The following SPOCK3 variants were observed in gnomAD, a reference collection of about 807,000 sequenced individuals.
SPOCK3 encodes testican-3.
A neutral mutation model predicts 56.6 loss-of-function variants in SPOCK3; 30 were observed. That is an observed-to-expected ratio of 0.53 (90% CI 0.40 to 0.72). SPOCK3 has a LOEUF of 0.72. SPOCK3 is among the 30% of genes least tolerant of loss of function. The pLI, the probability that SPOCK3 is intolerant of heterozygous loss-of-function variation, is 0.00. For synonymous variants in SPOCK3, 196 were observed against 183.3 expected (o/e 1.07, Z -0.56); for missense variants, 527 against 530.0 (o/e 0.99, Z 0.06).
At chr4:167,117,379 G>A (rs1489360350) in intron 2 of SPOCK3, among the ~76,000 whole-genome samples, 2 of 152,078 alleles carry the variant, frequency 1.3e-5, no homozygotes, top group African/African-American at 4.8e-5. Flanking sequence ...CCTTGACTGA[G>A]CACCTAGGGG....
At chr4:166,862,611 T>C (rs1168207297) in intron 6 of SPOCK3, among the ~76,000 whole-genome samples, 6 of 152,256 alleles carry the variant, frequency 3.9e-5, no homozygotes, top group Non-Finnish European at 7.4e-5. Context: ...TGACTTAATC[T>C]TCCTGAGTAG....
chr4:166,831,111 G>C (rs114302487), intron 6 of SPOCK3, among the ~76,000 whole-genome samples: 21 of 151,978 alleles, frequency 1.4e-4, no homozygotes, highest in Non-Finnish European at 2.6e-4. Flanking sequence ...ATTTGTTATC[G>C]TGTAGAATCT....
chr4:166,777,201 T>A (rs905401643), intron 7 of SPOCK3, among the ~76,000 whole-genome samples: 8 of 152,176 alleles, frequency 5.3e-5, no homozygotes, highest in Non-Finnish European at 1.0e-4. Context: ...CATATATTGA[T>A]CTATCTCAAT....
chr4:167,051,376 CTTG>C (rs1229795965), intron 3 of SPOCK3, among the ~76,000 whole-genome samples: 4 of 152,254 alleles, frequency 2.6e-5, no homozygotes, highest in Middle Eastern at 3.4e-3. Flanking sequence ...AATAATTCTT[CTTG>C]TTGTGTTAGA....
At chr4:167,077,773 A>G (rs930444477) in intron 2 of SPOCK3, among the ~76,000 whole-genome samples, 1 of 151,864 alleles carries the variant, frequency 6.6e-6, no homozygotes, top group Non-Finnish European at 1.5e-5. Flanking sequence ...ATTGTAATGT[A>G]TTTTGTATAT....
At chr4:166,804,398 C>T (rs932580770) in intron 6 of SPOCK3, among the ~76,000 whole-genome samples, 5 of 151,950 alleles carry the variant, frequency 3.3e-5, no homozygotes, top group African/African-American at 1.2e-4. Context: ...TATTTACCTC[C>T]TAAAGGTCCT....
intron 2 of SPOCK3, among the ~76,000 whole-genome samples, chr4:167,218,954 G>A (rs1430820382): frequency 6.6e-6 from 1 of 152,144 alleles, no homozygotes; most frequent in Non-Finnish European, 1.5e-5. Context: ...AGTTATCAGT[G>A]TGGAGTGTGC....
intron 6 of SPOCK3, among the ~76,000 whole-genome samples, chr4:166,792,555 C>T (rs1741470807): frequency 6.6e-6 from 1 of 152,038 alleles, no homozygotes; most frequent in Non-Finnish European, 1.5e-5. Flanking sequence ...GTATTGATAA[C>T]ATCACAAAAA....
rs186619061 is a variant in SPOCK3 at position 166,964,263 on chromosome 4, T to C, written c.350+36086A>G. 3.0e-4 allele frequency among the ~76,000 whole-genome samples: 45 copies of C among 151,996 alleles called. No homozygotes were observed. In the East Asian group the frequency reaches 5.4e-3, roughly 18 times the overall value. On this transcript the variant is annotated intron_variant, in intron 4 of 10. Transcript: ENST00000357545. ...CATTTCTTCCTATCAGTATTCATTA[T>C]TGCATATGTTCTGAGGAGAGAGAAA...
Position 167,057,321 on chromosome 4 carries a change from A to G in SPOCK3, c.235+5171T>C, listed in dbSNP as rs867827050. On this transcript the variant is annotated intron_variant, in intron 3 of 10. Transcript: ENST00000357545. ...TGGAAAGGAACAACTGGTACCAGCC[A>G]CTGCAAAATCATGCCAAATTGTAAA... Among the ~76,000 whole-genome samples the G allele has an allele frequency of 3.8e-3, 582 of 152,298 alleles. 7 individuals are homozygous for G. The highest frequency in any genetic ancestry group is 0.012 in the African/African-American group (519 of 41,534).
At chr4:167,113,884 A>G (rs1027018190) in intron 2 of SPOCK3, among the ~76,000 whole-genome samples, 8 of 151,968 alleles carry the variant, frequency 5.3e-5, no homozygotes, top group African/African-American at 1.9e-4. Flanking sequence ...GCTGCTTCCC[A>G]CTCTCTAAAC....
intron 2 of SPOCK3, among the ~76,000 whole-genome samples, chr4:167,219,979 C>T (rs1312339783): frequency 6.6e-6 from 1 of 152,022 alleles, no homozygotes; most frequent in East Asian, 1.9e-4. Context: ...TCCAACCTAT[C>T]TTATATATGA....
intron 3 of SPOCK3, among the ~76,000 whole-genome samples, chr4:167,035,024 A>G (rs1464917855): frequency 6.6e-6 from 1 of 152,136 alleles, no homozygotes; most frequent in East Asian, 1.9e-4. Context: ...ACCAGTTTAA[A>G]CCTTTATAGG....
Position 167,000,410 on chromosome 4 carries a change from C to T in SPOCK3, c.289G>A (p.Val97Ile). 1.2e-6 allele frequency: 2 copies of T among 1,609,362 alleles called. No homozygotes were observed. The highest frequency in any genetic ancestry group is 1.7e-6 in the Non-Finnish European group (2 of 1,177,476). ...CLKMKCSRHKVCIAQDSQTAV... is the reference protein window; with the variant it reads ...CLKMKCSRHKICIAQDSQTAV... The stretch of plus-strand genomic sequence containing the variant: ...GTCTGAGAATCTTGAGCAATGCATA[C>T]TTTATGGCGACTACATTTCATCTTT... The change falls in exon 4 of 11, where the codon GTA (valine) becomes ATA (isoleucine). Residue 97 changes from valine (V) to isoleucine (I), a missense_variant. Physicochemically the swap from Val to Ile is conservative, Grantham distance 29. Transcript: ENST00000357545.
At chr4:167,032,893 G>T (rs1016043991) in intron 3 of SPOCK3, among the ~76,000 whole-genome samples, 32 of 151,824 alleles carry the variant, frequency 2.1e-4, no homozygotes, top group Non-Finnish European at 4.1e-4. Flanking sequence ...AATGAGTACT[G>T]GTTATTTTAT....
At chr4:166,751,349 A>G (rs1178029379) in intron 8 of SPOCK3, among the ~76,000 whole-genome samples, 1 of 152,054 alleles carries the variant, frequency 6.6e-6, no homozygotes, top group Non-Finnish European at 1.5e-5. Flanking sequence ...CTGAGAAAAA[A>G]CCCTGCATAA....
chr4:166,926,252 A>G (rs535209983), intron 4 of SPOCK3, among the ~76,000 whole-genome samples: 1 of 152,320 alleles, frequency 6.6e-6, no homozygotes, highest in Admixed American at 6.5e-5. Flanking sequence ...AGAAAAAATT[A>G]TCATTCAGTT....
chr4:167,234,485 C>T lies in SPOCK3; in HGVS notation c.-36G>A. 1 of 402,142 alleles carries T rather than the reference C, an allele frequency of 2.5e-6. No individual in the cohort carries two copies. The highest frequency in any genetic ancestry group is 4.6e-6 in the Non-Finnish European group (1 of 219,368). 24.9% of individuals were successfully genotyped at this position (402,142 alleles called of 1,614,324 possible). On this transcript the variant is annotated 5_prime_UTR_variant, in exon 1 of 11. Coordinates refer to ENST00000357545, the MANE Select transcript of SPOCK3 (RefSeq NM_001040159.2). The stretch of plus-strand genomic sequence containing the variant: ...GCCAGCACTGTGCTCGCAGCTCCTG[C>T]TGGAAATGCAGCCCTGCTCTGCCAA...
At chr4:167,072,406 G>A (rs1052809490) in intron 2 of SPOCK3, among the ~76,000 whole-genome samples, 2 of 151,836 alleles carry the variant, frequency 1.3e-5, no homozygotes, top group African/African-American at 4.8e-5. Context: ...GAGGCCATAA[G>A]GCCCGAAAAG....
Sources: allele counts gnomAD v4.1 joint callset (sites outside exome capture counted in the v4.1 genomes callset), GRCh38; gene constraint gnomAD v4.1.1; transcripts MANE v1.5; gene names NCBI Gene and HGNC (gene_info 2026-07-23, HGNC 2026-07-21).